ZNF536: variants seen among roughly 807,000 people sequenced by gnomAD.
ZNF536 encodes the protein zinc finger protein 536.
ZNF536 carries 13 observed loss-of-function variants against 84.5 expected under a neutral mutation model. That is an observed-to-expected ratio of 0.15 (90% CI 0.10 to 0.24). ZNF536 has a LOEUF of 0.24. Ranked by LOEUF, ZNF536 falls within the 10% of genes least tolerant of loss-of-function variation. The pLI, the probability that ZNF536 is intolerant of heterozygous loss-of-function variation, is 1.00. For missense variants in ZNF536, 1,536 were observed against 1,747.5 expected, an observed-to-expected ratio of 0.88 and a Z score of 2.16; for synonymous variants, 811 against 742.5, an observed-to-expected ratio of 1.09 and a Z score of -1.50.
chr19:30,461,792 C>G (rs2053148930), intron 2 of ZNF536, among the ~76,000 whole-genome samples: 1 of 152,200 alleles, frequency 6.6e-6, no homozygotes, highest in African/African-American at 2.4e-5. Context: ...CATGCTCTAG[C>G]CCGCAGCTCC....
intron 1 of ZNF536, among the ~76,000 whole-genome samples, chr19:30,280,400 C>T (rs1164032574): frequency 6.6e-6 from 1 of 152,186 alleles, no homozygotes. Context: ...CTTAACTTCC[C>T]TCCCCTACTC....
intron 2 of ZNF536, among the ~76,000 whole-genome samples, chr19:30,522,130 T>C (rs1172763149): frequency 6.6e-6 from 1 of 151,070 alleles, no homozygotes; most frequent in Non-Finnish European, 1.5e-5. Context: ...GCCTCAGCTG[T>C]CTCCTTGGCT....
chr19:30,241,173 C>G (rs1380325836), intron 1 of ZNF536, among the ~76,000 whole-genome samples: 2 of 152,038 alleles, frequency 1.3e-5, no homozygotes, highest in Non-Finnish European at 2.9e-5. Flanking sequence ...AAAAAATTAG[C>G]TGGGTGTGGT....
At position 30,550,147 on chromosome 19, in the gene ZNF536, C is replaced by T. The variant is rs562340825; in HGVS notation, c.3895+633C>T. ...TCTGTTTGTCTGTCTGTTCACCTGT[C>T]TGTCTGTTGCTCTAACAAGACATGT... On this transcript the variant is annotated intron_variant, in intron 4 of 4. Transcript: ENST00000355537. Among the ~76,000 whole-genome samples, 16 of 152,334 alleles carry T rather than the reference C, an allele frequency of 1.1e-4. 1 individual carries two copies. In the South Asian group the frequency reaches 2.5e-3, roughly 24 times the overall value.
intron 2 of ZNF536, among the ~76,000 whole-genome samples, chr19:30,517,179 C>T (rs1283788372): frequency 6.6e-6 from 1 of 152,210 alleles, no homozygotes; most frequent in African/African-American, 2.4e-5. Context: ...TTTGCTATCA[C>T]TTGAAAGTCT....
intron 1 of ZNF536, among the ~76,000 whole-genome samples, chr19:30,420,112 C>A (rs140981144): frequency 2.5e-3 from 386 of 152,332 alleles, no homozygotes; most frequent in African/African-American, 8.9e-3. Context: ...TCACGGGGAA[C>A]TGCTTGTGCG....
chr19:30,335,867 A>G (rs1223794701), intron 2 of ZNF536, among the ~76,000 whole-genome samples: 2 of 152,200 alleles, frequency 1.3e-5, no homozygotes, highest in Non-Finnish European at 2.9e-5. Context: ...GCCACCAAGA[A>G]CCAGCAGGTG....
chr19:30,553,188 G>T (rs1444349879), intron 4 of ZNF536, among the ~76,000 whole-genome samples: 1 of 152,200 alleles, frequency 6.6e-6, no homozygotes, highest in Non-Finnish European at 1.5e-5. Flanking sequence ...AGTATTTAAA[G>T]GTGGAGAGGG....
At chr19:30,244,513 A>C (rs1055487966) in intron 1 of ZNF536, among the ~76,000 whole-genome samples, 1 of 152,244 alleles carries the variant, frequency 6.6e-6, no homozygotes, top group African/African-American at 2.4e-5. Flanking sequence ...TTGGAGAAGC[A>C]TGCTAATATT....
intron 2 of ZNF536, among the ~76,000 whole-genome samples, chr19:30,287,312 T>G (rs1316586180): frequency 7.0e-6 from 1 of 142,316 alleles, no homozygotes; most frequent in African/African-American, 2.7e-5. Flanking sequence ...GACGGATGAA[T>G]AGATGAGTGG....
At chr19:30,489,060 G>A (rs12610463) in intron 2 of ZNF536, among the ~76,000 whole-genome samples, 19,511 of 152,016 alleles carry the variant, frequency 0.13, 1,445 homozygotes, top group East Asian at 0.27. Flanking sequence ...GCCCCCTTGT[G>A]GAATCACTGG....
chr19:30,712,935 AAAAAAAAAACAT>A (rs2052495837), exon 2 of ZNF536: 1 of 220 alleles, frequency 4.5e-3, no homozygotes. Flanking sequence ...ATAAAAAAAG[AAAAAAAAAACAT>A]AAAAAAAAAA....
intron 1 of ZNF536, among the ~76,000 whole-genome samples, chr19:30,278,253 C>T: frequency 6.6e-6 from 1 of 152,124 alleles, no homozygotes; most frequent in Non-Finnish European, 1.5e-5. Flanking sequence ...ATCATAGCTT[C>T]CCAGGGAAAG....
At chr19:30,258,124 A>G (rs1373091622) in intron 1 of ZNF536, among the ~76,000 whole-genome samples, 1 of 152,172 alleles carries the variant, frequency 6.6e-6, no homozygotes, top group African/African-American at 2.4e-5. Context: ...ACATCTGAGA[A>G]TAAGATGTTA....
intron 2 of ZNF536, among the ~76,000 whole-genome samples, chr19:30,507,366 A>C (rs1262523451): frequency 1.3e-5 from 2 of 152,178 alleles, no homozygotes; most frequent in African/African-American, 4.8e-5. Flanking sequence ...AAAACCAAAA[A>C]ACAAAAAACA....
At chr19:30,510,420 C>G (rs2055361854) in intron 2 of ZNF536, among the ~76,000 whole-genome samples, 1 of 152,222 alleles carries the variant, frequency 6.6e-6, no homozygotes, top group Admixed American at 6.5e-5. Context: ...TAGCCAGCCT[C>G]TGACAGTCTG....
At position 30,557,427 on chromosome 19, in the gene ZNF536, G is replaced by T; in HGVS notation, c.*263G>T. ...TTGCAAAGGCTTAGTAACTTGAGCAGGAGAGAAAACTCCCTCAAAGTCATA... is the reference window on the plus strand; with the variant it reads ...TTGCAAAGGCTTAGTAACTTGAGCATGAGAGAAAACTCCCTCAAAGTCATA... On this transcript the variant is annotated 3_prime_UTR_variant, in exon 5 of 5. Coordinates refer to ENST00000355537, the MANE Select transcript of ZNF536 (RefSeq NM_014717.3). 2.7e-6 allele frequency: 1 copy of T among 364,016 alleles called. No homozygotes were observed. Among genetic ancestry groups the T allele is most frequent in the South Asian group, 7.2e-5 (1 of 13,936 alleles). 22.5% of individuals were successfully genotyped at this position (364,016 alleles called of 1,614,324 possible).
intron 3 of ZNF536, among the ~76,000 whole-genome samples, chr19:30,541,771 T>C (rs1044769685): frequency 6.6e-6 from 1 of 152,180 alleles, no homozygotes; most frequent in Non-Finnish European, 1.5e-5. Flanking sequence ...ATGCTCACAT[T>C]TTAATGGGAA....
chr19:30,334,582 A>G (rs1461149648), intron 2 of ZNF536, among the ~76,000 whole-genome samples: 3 of 152,228 alleles, frequency 2.0e-5, no homozygotes, highest in African/African-American at 7.2e-5. Context: ...GACTGGTTCT[A>G]CAAATACTGG....
Sources: gnomAD v4.1 joint callset for allele counts (sites outside exome capture counted in the v4.1 genomes callset) on GRCh38, gnomAD v4.1.1 for gene constraint, MANE v1.5 for transcripts, NCBI Gene and HGNC (gene_info 2026-07-23, HGNC 2026-07-21) for gene names.